The following ATP6V0D1 variants were observed in gnomAD, a reference collection of about 807,000 sequenced individuals.
The protein encoded by ATP6V0D1 is ATPase H+ transporting V0 subunit d1.
ATP6V0D1 carries 13 observed loss-of-function variants against 39.0 expected under a neutral mutation model. The ratio of observed to expected loss-of-function variants is 0.33; its 90% CI spans 0.22 to 0.53. ATP6V0D1 has a LOEUF of 0.53. Ranked by LOEUF, ATP6V0D1 falls within the 20% of genes least tolerant of loss-of-function variation. ATP6V0D1 has a pLI of 0.94. For synonymous variants in ATP6V0D1, 191 were observed against 191.2 expected (o/e 1.00, Z 0.01); for missense variants, 272 against 470.9 (o/e 0.58, Z 3.91).
chr16:67,448,763 G>A (rs2041145810), intron 2 of ATP6V0D1, among the ~76,000 whole-genome samples: 1 of 152,106 alleles, frequency 6.6e-6, no homozygotes, highest in Non-Finnish European at 1.5e-5. Flanking sequence ...GGCCCAGTTG[G>A]GTCCTTCCAC....
At chr16:67,476,125 G>A (rs952279635) in intron 1 of ATP6V0D1, among the ~76,000 whole-genome samples, 1 of 152,070 alleles carries the variant, frequency 6.6e-6, no homozygotes, top group Admixed American at 6.6e-5. Context: ...AGGAGGCTGA[G>A]GCAGGAAAAT....
At chr16:67,477,488 T>C (rs1271709098) in intron 1 of ATP6V0D1, among the ~76,000 whole-genome samples, 1 of 152,200 alleles carries the variant, frequency 6.6e-6, no homozygotes, top group Non-Finnish European at 1.5e-5. Flanking sequence ...TGAAAGGGTA[T>C]GCTGTCTGGG....
At chr16:67,446,718 C>G (rs564045646) in intron 2 of ATP6V0D1, among the ~76,000 whole-genome samples, 3 of 152,318 alleles carry the variant, frequency 2.0e-5, no homozygotes, top group African/African-American at 7.2e-5. Context: ...TGCACCCCAT[C>G]CAGCCCCAAT....
intron 1 of ATP6V0D1, among the ~76,000 whole-genome samples, chr16:67,471,428 G>A (rs557383323): frequency 1.3e-5 from 2 of 152,036 alleles, no homozygotes; most frequent in Admixed American, 6.5e-5. Context: ...GACCTCAAGC[G>A]ATCTACCTGC....
intron 1 of ATP6V0D1, among the ~76,000 whole-genome samples, chr16:67,470,349 A>G (rs2041362763): frequency 6.6e-6 from 1 of 152,250 alleles, no homozygotes; most frequent in Non-Finnish European, 1.5e-5. Flanking sequence ...TCAAAAAGAA[A>G]ACAAGAAAAC....
In ATP6V0D1 at chr16:67,438,633, G is replaced by A. The variant is rs570401854; in HGVS notation, c.951C>T (p.Ala317=). The A allele has an allele frequency of 1.3e-5, 21 of 1,614,128 alleles. No homozygotes were observed. The Middle Eastern group carries it at 4.9e-4, about 38-fold the overall frequency. Residue 317 remains alanine (A), a synonymous_variant, in exon 8 of 8, where the codon GCC becomes GCT. Coordinates refer to ENST00000290949, the MANE Select transcript of ATP6V0D1 (RefSeq NM_004691.5). Reference sequence around the variant, plus strand: ...ACTCCTGCTCCTTGAGCTTCACGAAGGCATAGAAGACACCAAAGTGGAACT... The same window carrying A: ...ACTCCTGCTCCTTGAGCTTCACGAAAGCATAGAAGACACCAAAGTGGAACT... The part of the protein sequence containing the change: ...LNQFHFGVFY[A]FVKLKEQECR...
chr16:67,452,974 G>C (rs572083644), intron 2 of ATP6V0D1, among the ~76,000 whole-genome samples: 1 of 152,340 alleles, frequency 6.6e-6, no homozygotes, highest in Admixed American at 6.5e-5. Context: ...CGTCAGAACT[G>C]AGAAAGGCAG....
At chr16:67,470,926 C>T (rs1326986160) in intron 1 of ATP6V0D1, among the ~76,000 whole-genome samples, 1 of 152,170 alleles carries the variant, frequency 6.6e-6, no homozygotes, top group Non-Finnish European at 1.5e-5. Context: ...GGTCCTTCAT[C>T]CCCCCTCATT....
chr16:67,481,093 T>G lies in ATP6V0D1; in HGVS notation c.-7A>C. 5 of 1,613,908 alleles carry G rather than the reference T, an allele frequency of 3.1e-6. No individual in the cohort carries two copies. Among genetic ancestry groups the G allele is most frequent in the South Asian group, 1.1e-5 (1 of 91,078 alleles). ...GCTCCGGGAAGAACGACATGGCTGCTGCGGGAGCGGCGGGACCGGAGAACC... is the reference window on the plus strand; with the variant it reads ...GCTCCGGGAAGAACGACATGGCTGCGGCGGGAGCGGCGGGACCGGAGAACC... On this transcript the variant is annotated 5_prime_UTR_variant, in exon 1 of 8. Transcript: ENST00000290949.
chr16:67,465,159 C>T (rs2041319190), intron 1 of ATP6V0D1, among the ~76,000 whole-genome samples: 1 of 152,216 alleles, frequency 6.6e-6, no homozygotes, highest in African/African-American at 2.4e-5. Context: ...TTGGATGAGG[C>T]AGACGCCAAG....
At chr16:67,449,444 C>T (rs984191203) in intron 2 of ATP6V0D1, among the ~76,000 whole-genome samples, 4 of 152,234 alleles carry the variant, frequency 2.6e-5, no homozygotes, top group African/African-American at 9.6e-5. Flanking sequence ...CATCCCAAGT[C>T]CCACAGCAAG....
chr16:67,448,006 G>A (rs1169376266), intron 2 of ATP6V0D1, among the ~76,000 whole-genome samples: 2 of 152,256 alleles, frequency 1.3e-5, no homozygotes, highest in African/African-American at 4.8e-5. Flanking sequence ...TCTGAGCTCT[G>A]TCCATGGCCT....
chr16:67,443,264 C>T (rs2041075180), intron 3 of ATP6V0D1, 86 bp from the exon 4 acceptor site: 1 of 1,414,790 alleles, frequency 7.1e-7, no homozygotes, highest in Admixed American at 1.7e-5. Context: ...CACAGAGTGC[C>T]CGTGCCACAA....
intron 1 of ATP6V0D1, among the ~76,000 whole-genome samples, chr16:67,470,844 C>A (rs1308126184): frequency 6.6e-6 from 1 of 152,016 alleles, no homozygotes; most frequent in Non-Finnish European, 1.5e-5. Flanking sequence ...TGACTTCTAA[C>A]CCTCTTCACC....
At chr16:67,452,427 C>T in intron 2 of ATP6V0D1, 1 of 1,533,176 alleles carries the variant, frequency 6.5e-7, no homozygotes, top group Non-Finnish European at 8.7e-7. Flanking sequence ...TGGCTCCTAA[C>T]TGCAGGGGAT....
chr16:67,442,613 C>T (rs1597568251), intron 4 of ATP6V0D1, among the ~76,000 whole-genome samples: 1 of 152,218 alleles, frequency 6.6e-6, no homozygotes, highest in East Asian at 1.9e-4. Flanking sequence ...GGGATGAGGA[C>T]AGTGGGAAGT....
chr16:67,439,703 CA>C (rs759179355), intron 4 of ATP6V0D1: 23 of 322,566 alleles, frequency 7.1e-5, no homozygotes, highest in Admixed American at 1.3e-4. Context: ...CAAATCTTTC[CA>C]AACCTCCCCT....
At chr16:67,480,242 G>C (rs2041457046) in intron 1 of ATP6V0D1, among the ~76,000 whole-genome samples, 1 of 151,482 alleles carries the variant, frequency 6.6e-6, no homozygotes, top group African/African-American at 2.4e-5. Flanking sequence ...CCACTCTGGA[G>C]CTGTGTGCTG....
chr16:67,467,460 A>T (rs1452256687), intron 1 of ATP6V0D1, among the ~76,000 whole-genome samples: 1 of 151,960 alleles, frequency 6.6e-6, no homozygotes, highest in Non-Finnish European at 1.5e-5. Flanking sequence ...AGCCAAGATC[A>T]TGCCACTGCA....
Sources: allele counts gnomAD v4.1 joint callset (sites outside exome capture counted in the v4.1 genomes callset), GRCh38; gene constraint gnomAD v4.1.1; transcripts MANE v1.5; gene names NCBI Gene and HGNC (gene_info 2026-07-23, HGNC 2026-07-21).